The following RP1 variants were observed in gnomAD, a reference collection of about 807,000 sequenced individuals.
RP1 encodes the protein RP1 axonemal microtubule associated, also known as oxygen-regulated protein 1.
Under a neutral mutation model 14.8 loss-of-function variants are expected in RP1, and 16 were observed. That is an observed-to-expected ratio of 1.08 (90% CI 0.73 to 1.65). The LOEUF (loss-of-function observed/expected upper bound fraction) is 1.65, where lower values mean the gene tolerates loss of function less well. Among genes scored for constraint, RP1 ranks in the 40% most tolerant of loss-of-function variants. RP1 has a pLI of 0.00. For missense variants in RP1, 2,631 were observed against 2,535.0 expected (o/e 1.04, Z -0.81); for synonymous variants, 876 against 883.6 (o/e 0.99, Z 0.15).
intron 24 of RP1, among the ~76,000 whole-genome samples, chr8:54,823,116 C>T (rs113135082): frequency 2.7e-4 from 41 of 152,206 alleles, no homozygotes; most frequent in African/African-American, 9.9e-4. Flanking sequence ...CTCCCCGCCG[C>T]CCCCTCAGCT....
intron 27 of RP1, among the ~76,000 whole-genome samples, chr8:54,865,399 TTTTC>T (rs1275026082): frequency 6.6e-6 from 1 of 151,934 alleles, no homozygotes; most frequent in Non-Finnish European, 1.5e-5. Flanking sequence ...TACTTTCATT[TTTTC>T]TTTCTTTAAT....
chr8:54,601,950 G>A (rs539371372), intron 1 of RP1, among the ~76,000 whole-genome samples: 4 of 152,240 alleles, frequency 2.6e-5, no homozygotes, highest in Non-Finnish European at 5.9e-5. Context: ...GATAGGTACA[G>A]TTTCTTTCTT....
At chr8:54,854,133 T>A (rs1483586448) in intron 26 of RP1, among the ~76,000 whole-genome samples, 1 of 152,176 alleles carries the variant, frequency 6.6e-6, no homozygotes, top group African/African-American at 2.4e-5. Flanking sequence ...TCTCAGAAAC[T>A]TTTTTAAACA....
chr8:54,566,758 C>T (rs1804416779), intron 1 of RP1, among the ~76,000 whole-genome samples: 1 of 152,162 alleles, frequency 6.6e-6, no homozygotes, highest in Non-Finnish European at 1.5e-5. Flanking sequence ...GAGCCTCCAC[C>T]CCAGTCATTT....
intron 16 of RP1, among the ~76,000 whole-genome samples, chr8:54,724,267 CTAATA>C (rs1191182334): frequency 6.6e-6 from 1 of 152,126 alleles, no homozygotes; most frequent in Non-Finnish European, 1.5e-5. Context: ...CATATATGCA[CTAATA>C]TGACACTATA....
At chr8:54,620,449 G>A (rs2129313843) in intron 1 of RP1, among the ~76,000 whole-genome samples, 1 of 152,304 alleles carries the variant, frequency 6.6e-6, no homozygotes, top group East Asian at 1.9e-4. Context: ...TCATCTGTTT[G>A]TGTAAGTACA....
At chr8:54,667,037 A>C (rs1266922826) in intron 7 of RP1, among the ~76,000 whole-genome samples, 1 of 152,078 alleles carries the variant, frequency 6.6e-6, no homozygotes, top group Non-Finnish European at 1.5e-5. Context: ...GCTCAGTAGA[A>C]GCCCTCTAGT....
chr8:54,706,889 G>T (rs893584332), intron 15 of RP1, among the ~76,000 whole-genome samples: 6 of 152,172 alleles, frequency 3.9e-5, no homozygotes, highest in African/African-American at 1.4e-4. Flanking sequence ...AATCACCTGG[G>T]AATTGTGTTA....
At chr8:54,670,912 C>A (rs183719623) in intron 7 of RP1, among the ~76,000 whole-genome samples, 1 of 151,300 alleles carries the variant, frequency 6.6e-6, no homozygotes, top group Non-Finnish European at 1.5e-5. Flanking sequence ...CTTGGCTTAC[C>A]GCAAGCCTCT....
intron 9 of RP1, chr8:54,678,686 G>T (rs1205557579): frequency 2.5e-5 from 15 of 589,256 alleles, no homozygotes; most frequent in Non-Finnish European, 4.2e-5. Flanking sequence ...GGCTCTTTAT[G>T]CTATTGAGAC....
rs561461017 is a variant in RP1 at position 54,845,322 on chromosome 8, C to T, written c.3836-7252C>T. ...TCATACCTGATCAGTGGTTCTCTGG[C>T]GACTAGCAGAGTACGGTGCACAAGA... On this transcript the variant is annotated intron_variant, in intron 25 of 28. Coordinates refer to the RP1 transcript ENST00000637698. Among the ~76,000 whole-genome samples the T allele has an allele frequency of 9.2e-5, 14 of 152,222 alleles. No homozygotes were observed. The South Asian group carries it at 1.5e-3, about 16-fold the overall frequency.
intron 7 of RP1, among the ~76,000 whole-genome samples, chr8:54,672,307 C>A (rs138066137): frequency 1.6e-4 from 25 of 152,240 alleles, no homozygotes; most frequent in Non-Finnish European, 3.4e-4. Context: ...ATGTATGGTC[C>A]ACTCTTTCGT....
intron 27 of RP1, among the ~76,000 whole-genome samples, chr8:54,864,534 A>G (rs929206554): frequency 3.9e-5 from 6 of 152,132 alleles, no homozygotes; most frequent in South Asian, 2.1e-4. Context: ...GTTTTGAAAA[A>G]ATGTTTACAG....
At chr8:54,793,092 C>T (rs144771332) in intron 24 of RP1, among the ~76,000 whole-genome samples, 108 of 151,608 alleles carry the variant, frequency 7.1e-4, no homozygotes, top group African/African-American at 2.4e-3. Context: ...CTAGAGAAAA[C>T]GTATAAATTT....
intron 24 of RP1, among the ~76,000 whole-genome samples, chr8:54,836,151 G>A (rs1182801996): frequency 6.6e-6 from 1 of 152,170 alleles, no homozygotes; most frequent in Non-Finnish European, 1.5e-5. Context: ...AAGGTAGCAG[G>A]TCTGGATAAC....
intron 1 of RP1, among the ~76,000 whole-genome samples, chr8:54,586,537 C>A (rs1804928278): frequency 6.6e-6 from 1 of 152,218 alleles, no homozygotes; most frequent in Non-Finnish European, 1.5e-5. Flanking sequence ...CAGACAGGGA[C>A]ATTTAAGTCT....
At chr8:54,778,415 C>G (rs978853938) in intron 23 of RP1, among the ~76,000 whole-genome samples, 1 of 151,566 alleles carries the variant, frequency 6.6e-6, no homozygotes, top group Non-Finnish European at 1.5e-5. Flanking sequence ...ACCTCCACCT[C>G]CCGGGTTCAA....
chr8:54,568,541 A>G (rs1804455572), intron 1 of RP1, among the ~76,000 whole-genome samples: 2 of 152,350 alleles, frequency 1.3e-5, no homozygotes, highest in East Asian at 1.9e-4. Flanking sequence ...CTTTAGTGTG[A>G]TAAGTGTGGG....
At chr8:54,686,236 C>T (rs766338535) in intron 12 of RP1, among the ~76,000 whole-genome samples, 2 of 152,088 alleles carry the variant, frequency 1.3e-5, no homozygotes, top group Non-Finnish European at 2.9e-5. Context: ...ATGTTATGCT[C>T]AGTGTCCCAT....
Sources: allele counts gnomAD v4.1 joint callset (sites outside exome capture counted in the v4.1 genomes callset), GRCh38; gene constraint gnomAD v4.1.1; transcripts MANE v1.5; gene names NCBI Gene and HGNC (gene_info 2026-07-23, HGNC 2026-07-21).